Variants in KLHL22 observed in about 807,000 individuals in gnomAD.
KLHL22 encodes the protein kelch like family member 22, also known as kelch-like protein 22.
A neutral mutation model predicts 60.7 loss-of-function variants in KLHL22; 18 were observed. The ratio of observed to expected loss-of-function variants is 0.30; its 90% CI spans 0.20 to 0.44. The LOEUF (loss-of-function observed/expected upper bound fraction) is 0.44, where lower values mean the gene tolerates loss of function less well. KLHL22 is among the 20% of genes least tolerant of loss of function. The pLI is 1.00. For synonymous variants in KLHL22, 355 were observed against 354.5 expected, an observed-to-expected ratio of 1.00 and a Z score of -0.01; for missense variants, 596 against 852.3, an observed-to-expected ratio of 0.70 and a Z score of 3.74.
intron 2 of KLHL22, among the ~76,000 whole-genome samples, chr22:20,473,642 G>A (rs368875352): frequency 4.6e-5 from 7 of 152,274 alleles, no homozygotes; most frequent in African/African-American, 1.4e-4. Flanking sequence ...TTGGGAGGCC[G>A]AGGCAGGCCG....
At chr22:20,451,436 T>G in intron 5 of KLHL22, 1 of 1,605,996 alleles carries the variant, frequency 6.2e-7, no homozygotes, top group South Asian at 1.1e-5. Flanking sequence ...TTGAATATCT[T>G]AAATTCAGTT....
intron 3 of KLHL22, among the ~76,000 whole-genome samples, chr22:20,468,825 A>AT (rs1474671732): frequency 5.3e-5 from 8 of 152,028 alleles, no homozygotes; most frequent in Admixed American, 2.6e-4. Context: ...ATGCCCGGCT[A>AT]TTTTTAAAGT....
At chr22:20,482,391 T>C (rs531465785) in intron 2 of KLHL22, among the ~76,000 whole-genome samples, 1 of 145,572 alleles carries the variant, frequency 6.9e-6, no homozygotes, top group African/African-American at 2.5e-5. Context: ...ATGAAACCAA[T>C]TTTTTTTTTT....
chr22:20,489,715 T>G (rs2053651387), intron 1 of KLHL22: 2 of 471,216 alleles, frequency 4.2e-6, no homozygotes, highest in Admixed American at 4.7e-5. Context: ...TCCCATTGAA[T>G]GAACAAAATT....
intron 5 of KLHL22, among the ~76,000 whole-genome samples, chr22:20,455,679 A>G (rs2053052251): frequency 6.6e-6 from 1 of 152,186 alleles, no homozygotes; most frequent in African/African-American, 2.4e-5. Flanking sequence ...TGTGTTGTAT[A>G]GTTTGCCCCA....
chr22:20,472,977 T>C (rs5749587), intron 2 of KLHL22, among the ~76,000 whole-genome samples: 50,542 of 151,974 alleles, frequency 0.33, 8,564 homozygotes, highest in East Asian at 0.46. Context: ...GCCAAGATGA[T>C]GACGAAGTGA....
chr22:20,463,131 A>G (rs1321088639), intron 4 of KLHL22, among the ~76,000 whole-genome samples: 1 of 152,166 alleles, frequency 6.6e-6, no homozygotes, highest in Non-Finnish European at 1.5e-5. Context: ...TTCTGGAGAG[A>G]TGATACATCC....
At chr22:20,466,557 T>A (rs2053239968) in intron 3 of KLHL22, among the ~76,000 whole-genome samples, 1 of 152,036 alleles carries the variant, frequency 6.6e-6, no homozygotes, top group South Asian at 2.1e-4. Flanking sequence ...CAAACCTGGC[T>A]TTTTCCCCCG....
intron 4 of KLHL22, 130 bp from the exon 5 acceptor site, chr22:20,458,130 A>G (rs1206486875): frequency 4.4e-6 from 4 of 905,862 alleles, no homozygotes; most frequent in Non-Finnish European, 6.7e-6. Context: ...ACTACCCCAC[A>G]TACCAGTGCA....
intron 2 of KLHL22, chr22:20,475,312 T>G (rs2053393809): frequency 6.6e-6 from 1 of 152,176 alleles, no homozygotes; most frequent in Admixed American, 6.5e-5. Context: ...CGGACCAACC[T>G]ATCTTCGTTT....
chr22:20,488,267 C>T (rs984759448), intron 2 of KLHL22, among the ~76,000 whole-genome samples: 10 of 152,304 alleles, frequency 6.6e-5, no homozygotes, highest in African/African-American at 2.4e-4. Context: ...CTGGGGACCA[C>T]GAGTGGCCCT....
intron 2 of KLHL22, among the ~76,000 whole-genome samples, chr22:20,486,605 C>T (rs2053590637): frequency 6.6e-6 from 1 of 152,166 alleles, no homozygotes; most frequent in African/African-American, 2.4e-5. Flanking sequence ...AAAAATAGTC[C>T]TTTATCATTT....
In KLHL22 at chr22:20,465,706, C is replaced by T. The variant is rs1322163963; in HGVS notation, c.394-130G>A. The T allele has an allele frequency of 4.5e-6, 3 of 670,564 alleles. No individual in the cohort carries two copies. In the African/African-American group the frequency reaches 5.3e-5, roughly 12 times the overall value. The allele number at this position is 670,564 out of a possible 1,614,324, so 41.5% of individuals were successfully genotyped here. A position where few individuals can be genotyped will look rare whatever the true frequency, so the allele number is the denominator to read the frequency against. Reference sequence around the variant, plus strand: ...CAGAAGGGAAGTCCTCCTTAATTGTCCCCGACCTTTTCTGACACACTGGAG... The same window carrying T: ...CAGAAGGGAAGTCCTCCTTAATTGTTCCCGACCTTTTCTGACACACTGGAG... On this transcript the variant is annotated intron_variant, in intron 3 of 6. Coordinates refer to ENST00000328879, the MANE Select transcript of KLHL22 (RefSeq NM_032775.4). This position sits in a 1 kb window ranked among gnomAD's most constrained non-coding sequence, Gnocchi z 4.9.
intron 2 of KLHL22, among the ~76,000 whole-genome samples, chr22:20,488,027 A>T (rs750353233): frequency 6.6e-6 from 1 of 152,156 alleles, no homozygotes; most frequent in Non-Finnish European, 1.5e-5. Flanking sequence ...CTGCTCCTGG[A>T]CACATCTGCA....
intron 3 of KLHL22, among the ~76,000 whole-genome samples, chr22:20,470,958 A>G (rs1403669504): frequency 6.6e-6 from 1 of 152,222 alleles, no homozygotes; most frequent in Non-Finnish European, 1.5e-5. Flanking sequence ...TGGCCCAGTG[A>G]GGGGACAGGC....
intron 5 of KLHL22, among the ~76,000 whole-genome samples, chr22:20,449,535 G>T (rs1329375736): frequency 6.6e-6 from 1 of 151,986 alleles, no homozygotes; most frequent in African/African-American, 2.4e-5. Context: ...CAAGTAGCTG[G>T]GATTACAGGC....
At chr22:20,447,535 G>A (rs1252452248) in intron 5 of KLHL22, among the ~76,000 whole-genome samples, 1 of 147,186 alleles carries the variant, frequency 6.8e-6, no homozygotes, top group Non-Finnish European at 1.5e-5. Flanking sequence ...GGGGTCTGGG[G>A]AGGTTTTTCT....
chr22:20,447,335 G>A (rs2052883577), intron 5 of KLHL22, among the ~76,000 whole-genome samples: 1 of 152,202 alleles, frequency 6.6e-6, no homozygotes, highest in Non-Finnish European at 1.5e-5. Flanking sequence ...CCCAAGGCAA[G>A]GCCCTGGGTG....
rs555628499 is a variant in KLHL22, at chr22:20,477,349, C to T, written c.228-5834G>A. Among the ~76,000 whole-genome samples the T allele has an allele frequency of 4.1e-4, 62 of 151,964 alleles. 1 individual carries two copies. Among genetic ancestry groups the T allele is most frequent in the South Asian group, 1.7e-3 (8 of 4,812 alleles). ...GAGGTTGCAGTGAGCTGATATCGCACCACTACTCTGTGACAGAGCAACACT... is the reference window on the plus strand; with the variant it reads ...GAGGTTGCAGTGAGCTGATATCGCATCACTACTCTGTGACAGAGCAACACT... On this transcript the variant is annotated intron_variant, in intron 2 of 6. Coordinates refer to ENST00000328879, the MANE Select transcript of KLHL22 (RefSeq NM_032775.4).
Sources: allele counts gnomAD v4.1 joint callset (sites outside exome capture counted in the v4.1 genomes callset), GRCh38; gene constraint gnomAD v4.1.1; non-coding constraint Gnocchi (gnomAD v3.1); transcripts MANE v1.5; gene names NCBI Gene and HGNC (gene_info 2026-07-23, HGNC 2026-07-21).